P2RY14: variants seen among roughly 807,000 people sequenced by gnomAD.
The protein encoded by P2RY14 is P2Y purinoceptor 14.
Under a neutral mutation model 0.9 loss-of-function variants are expected in P2RY14, and 2 were observed. The observed-to-expected ratio is 2.16, with a 90% CI of 0.88 to 6.79. The LOEUF (loss-of-function observed/expected upper bound fraction) is 6.79. Among genes scored for constraint, P2RY14 ranks in the 30% most tolerant of loss-of-function variants. P2RY14 has a pLI of 0.05. For synonymous variants in P2RY14, 158 were observed against 147.2 expected (o/e 1.07, Z -0.53); for missense variants, 378 against 400.1 (o/e 0.94, Z 0.47).
At chr3:151,265,385 G>T (rs1049701817) in intron 1 of P2RY14, among the ~76,000 whole-genome samples, 2 of 152,134 alleles carry the variant, frequency 1.3e-5, no homozygotes, top group African/African-American at 4.8e-5. Context: ...TTTTTAAAAA[G>T]CAGAAGTTTC....
intron 2 of P2RY14, among the ~76,000 whole-genome samples, chr3:151,217,028 G>A (rs1728375407): frequency 6.6e-6 from 1 of 152,128 alleles, no homozygotes; most frequent in Non-Finnish European, 1.5e-5. Context: ...TAGGTACTGA[G>A]TACTTGTGGG....
chr3:151,267,586 AT>A (rs1465945046), intron 1 of P2RY14, among the ~76,000 whole-genome samples: 1 of 152,172 alleles, frequency 6.6e-6, no homozygotes, highest in Non-Finnish European at 1.5e-5. Flanking sequence ...AATTTAAAAC[AT>A]TTTTTTAAAG....
intron 1 of P2RY14, among the ~76,000 whole-genome samples, chr3:151,277,279 C>T (rs1742039710): frequency 6.6e-6 from 1 of 151,682 alleles, no homozygotes; most frequent in African/African-American, 2.4e-5. Context: ...TGTGTGCACA[C>T]AATTGTATGC....
intron 1 of P2RY14, among the ~76,000 whole-genome samples, chr3:151,234,485 T>G (rs530210113): frequency 6.6e-6 from 1 of 152,256 alleles, no homozygotes; most frequent in Non-Finnish European, 1.5e-5. Flanking sequence ...TTTTACTAGC[T>G]TGTCTGTTTT....
At chr3:151,240,998 C>T (rs955210266) in intron 1 of P2RY14, among the ~76,000 whole-genome samples, 2 of 152,132 alleles carry the variant, frequency 1.3e-5, no homozygotes, top group Non-Finnish European at 1.5e-5. Flanking sequence ...TCCAGTGTCT[C>T]CTGGTTGCCA....
intron 1 of P2RY14, among the ~76,000 whole-genome samples, chr3:151,250,836 A>G (rs1736714496): frequency 6.6e-6 from 1 of 152,170 alleles, no homozygotes; most frequent in South Asian, 2.1e-4. Context: ...TTCTAAAGGA[A>G]TTGCTGTTTT....
intron 1 of P2RY14, among the ~76,000 whole-genome samples, chr3:151,236,610 G>A (rs1732871908): frequency 1.3e-5 from 2 of 152,154 alleles, no homozygotes; most frequent in Admixed American, 6.5e-5. Flanking sequence ...CCTGAGTCAT[G>A]TGTTCTTCAA....
intron 1 of P2RY14, among the ~76,000 whole-genome samples, chr3:151,248,158 T>G (rs1736112663): frequency 6.6e-6 from 1 of 152,030 alleles, no homozygotes; most frequent in African/African-American, 2.4e-5. Flanking sequence ...GTTTGTTATT[T>G]AAATGTTTAA....
At chr3:151,235,288 G>A (rs1732504728) in intron 1 of P2RY14, among the ~76,000 whole-genome samples, 1 of 152,130 alleles carries the variant, frequency 6.6e-6, no homozygotes, top group Non-Finnish European at 1.5e-5. Flanking sequence ...AAACTGATGG[G>A]GGCAGGGCCC....
chr3:151,245,828 T>G (rs1735316228), intron 1 of P2RY14, among the ~76,000 whole-genome samples: 1 of 150,358 alleles, frequency 6.7e-6, no homozygotes, highest in African/African-American at 2.5e-5. Flanking sequence ...GGAAGTCAAA[T>G]TGTCCCTGTT....
rs565397261 is a variant in P2RY14 at position 151,247,316 on chromosome 3, A to G, written c.-132-27674T>C. On this transcript the variant is annotated intron_variant, in intron 1 of 2. Coordinates refer to ENST00000309170, the MANE Select transcript of P2RY14 (RefSeq NM_014879.4). Reference sequence around the variant, plus strand: ...CTGCTATAAAGACACATGCACACGTATGTTTATTGTGGCATTATTCACAAT... The same window carrying G: ...CTGCTATAAAGACACATGCACACGTGTGTTTATTGTGGCATTATTCACAAT... Among the ~76,000 whole-genome samples, 155 of 152,240 alleles carry G rather than the reference A, an allele frequency of 1.0e-3. 1 individual carries two copies. Among genetic ancestry groups the G allele is most frequent in the African/African-American group, 3.3e-3 (139 of 41,524 alleles).
At chr3:151,227,831 T>C (rs533913866) in intron 1 of P2RY14, among the ~76,000 whole-genome samples, 1 of 152,328 alleles carries the variant, frequency 6.6e-6, no homozygotes, top group East Asian at 1.9e-4. Flanking sequence ...AACTGTTTTT[T>C]TCGGTTTCAG....
chr3:151,269,990 A>T (rs745965264), intron 1 of P2RY14: 24 of 274,972 alleles, frequency 8.7e-5, no homozygotes, highest in Non-Finnish European at 1.5e-4. Context: ...GGTTTTCAAT[A>T]TGGATGATGA....
chr3:151,244,171 G>A (rs1487199459), intron 1 of P2RY14, among the ~76,000 whole-genome samples: 2 of 134,838 alleles, frequency 1.5e-5, no homozygotes, highest in Non-Finnish European at 3.3e-5. Flanking sequence ...AATAATGGGA[G>A]ACTTTAACAT....
intron 1 of P2RY14, among the ~76,000 whole-genome samples, chr3:151,238,371 T>C (rs1733366743): frequency 6.6e-6 from 1 of 152,208 alleles, no homozygotes; most frequent in Admixed American, 6.5e-5. Flanking sequence ...GGTCTCGAAC[T>C]CCTGACCTCA....
At chr3:151,240,452 G>A (rs939152463) in intron 1 of P2RY14, among the ~76,000 whole-genome samples, 5 of 152,202 alleles carry the variant, frequency 3.3e-5, no homozygotes, top group Non-Finnish European at 7.3e-5. Flanking sequence ...CCAGGTACTA[G>A]CATGTCTTGT....
At chr3:151,259,690 A>G (rs1338270655) in intron 1 of P2RY14, among the ~76,000 whole-genome samples, 1 of 152,168 alleles carries the variant, frequency 6.6e-6, no homozygotes, top group African/African-American at 2.4e-5. Flanking sequence ...CTATGTGCAA[A>G]TTTATTGAGC....
chr3:151,230,197 A>T (rs1559908411), intron 1 of P2RY14, among the ~76,000 whole-genome samples: 2 of 152,044 alleles, frequency 1.3e-5, no homozygotes, highest in African/African-American at 2.4e-5. Context: ...GATTGTCTTG[A>T]TCTCCTGACC....
chr3:151,250,153 C>T (rs186006429), intron 1 of P2RY14, among the ~76,000 whole-genome samples: 2 of 152,288 alleles, frequency 1.3e-5, no homozygotes, highest in East Asian at 3.9e-4. Context: ...GTAATCTAGT[C>T]CACTCTGCCT....
Sources: gnomAD v4.1 joint callset for allele counts (sites outside exome capture counted in the v4.1 genomes callset) on GRCh38, gnomAD v4.1.1 for gene constraint, MANE v1.5 for transcripts, NCBI Gene and HGNC (gene_info 2026-07-23, HGNC 2026-07-21) for gene names.